The following CRPPA variants were observed in gnomAD, a reference collection of about 807,000 sequenced individuals.
The protein encoded by CRPPA is D-ribitol-5-phosphate cytidylyltransferase.
A neutral mutation model predicts 52.0 loss-of-function variants in CRPPA; 43 were observed. The observed-to-expected ratio is 0.83, with a 90% confidence interval of 0.65 to 1.07. The LOEUF (loss-of-function observed/expected upper bound fraction) is 1.07. Among genes scored for constraint, CRPPA ranks in the 50% least tolerant of loss-of-function variants. The probability of loss-of-function intolerance (pLI) is 0.00; values close to 1 mark genes in which losing one functional copy is unlikely to be tolerated. For missense variants in CRPPA, 629 were observed against 551.7 expected (o/e 1.14, Z -1.40); for synonymous variants, 250 against 203.5 (o/e 1.23, Z -1.94).
chr7:16,205,836 T>C (rs1583427849), intron 9 of CRPPA, among the ~76,000 whole-genome samples: 1 of 152,052 alleles, frequency 6.6e-6, no homozygotes, highest in African/African-American at 2.4e-5. Context: ...CAAAATCCTT[T>C]AATATCATCA....
intron 8 of CRPPA, among the ~76,000 whole-genome samples, chr7:16,242,812 A>G (rs572578920): frequency 1.4e-4 from 22 of 152,312 alleles, no homozygotes; most frequent in African/African-American, 5.3e-4. Flanking sequence ...TTCTCTTAGT[A>G]TAAGATGTGG....
chr7:16,258,882 A>G (rs916555400), intron 7 of CRPPA, 38 bp downstream of exon 7: 2 of 1,316,232 alleles, frequency 1.5e-6, no homozygotes, highest in Non-Finnish European at 2.2e-6. Context: ...ACATTTGTTC[A>G]TATCCTTAAG....
chr7:16,380,136 C>T (rs201098927), intron 2 of CRPPA, among the ~76,000 whole-genome samples: 7 of 150,892 alleles, frequency 4.6e-5, no homozygotes, highest in African/African-American at 1.5e-4. Flanking sequence ...TTGTCAAAGA[C>T]AGCTCTTATT....
chr7:16,387,994 G>T (rs57751249), intron 2 of CRPPA, among the ~76,000 whole-genome samples: 11,038 of 152,154 alleles, frequency 0.073, 483 homozygotes, highest in Admixed American at 0.12. Context: ...TTCTTTCTTT[G>T]TTGGGGGAGG....
Position 16,124,109 on chromosome 7 carries a change from T to TTC in CRPPA, c.1252-32311_1252-32310insGA, listed in dbSNP as rs1487638062. Among the ~76,000 whole-genome samples the TTC allele has an allele frequency of 5.4e-5, 8 of 149,028 alleles. No individual in the cohort carries two copies. In the East Asian group the frequency reaches 7.8e-4, roughly 15 times the overall value. On this transcript the variant is annotated intron_variant, in intron 9 of 9. Coordinates refer to ENST00000407010, the MANE Select transcript of CRPPA (RefSeq NM_001101426.4). ...GATCATATAGGCTCAATTTCTTTCT[T>TTC]TTTTTATTTTTTTTTTGAGGAACCT...
chr7:16,163,335 C>A (rs1375720569), intron 9 of CRPPA, among the ~76,000 whole-genome samples: 3 of 151,702 alleles, frequency 2.0e-5, no homozygotes, highest in Non-Finnish European at 1.5e-5. Context: ...AGGATTGCAA[C>A]CCCTGCTTTT....
chr7:16,311,402 T>C (rs1785031872), intron 3 of CRPPA, among the ~76,000 whole-genome samples: 2 of 152,152 alleles, frequency 1.3e-5, no homozygotes, highest in Non-Finnish European at 1.5e-5. Context: ...TAATTTGTCT[T>C]TTCCAGAAAT....
chr7:16,144,807 C>T (rs897041695), intron 9 of CRPPA, among the ~76,000 whole-genome samples: 5 of 152,172 alleles, frequency 3.3e-5, no homozygotes, highest in Non-Finnish European at 5.9e-5. Context: ...TGGACTCTCC[C>T]GTCAACAGTG....
chr7:16,265,016 T>C (rs79089607), intron 6 of CRPPA, among the ~76,000 whole-genome samples: 4,829 of 152,256 alleles, frequency 0.032, 261 homozygotes, highest in African/African-American at 0.11. Flanking sequence ...GCTAAGCTAA[T>C]ATGTGAAGGG....
chr7:16,291,024 A>G (rs999855889), intron 5 of CRPPA, among the ~76,000 whole-genome samples: 1 of 152,072 alleles, frequency 6.6e-6, no homozygotes, highest in African/African-American at 2.4e-5. Context: ...GTATATTAAA[A>G]CAAATGTTCA....
chr7:16,347,393 T>C (rs935205749), intron 3 of CRPPA, among the ~76,000 whole-genome samples: 8 of 152,136 alleles, frequency 5.3e-5, no homozygotes, highest in Non-Finnish European at 1.0e-4. Flanking sequence ...GAATAAAAAA[T>C]AAACCAAGGA....
At chr7:16,186,676 G>A (rs1781510299) in intron 9 of CRPPA, among the ~76,000 whole-genome samples, 1 of 152,120 alleles carries the variant, frequency 6.6e-6, no homozygotes, top group Admixed American at 6.5e-5. Context: ...TCAAAAAGAA[G>A]TCTTAGCCTC....
At chr7:16,397,720 C>A (rs1178353072) in intron 2 of CRPPA, among the ~76,000 whole-genome samples, 1 of 152,130 alleles carries the variant, frequency 6.6e-6, no homozygotes, top group South Asian at 2.1e-4. Context: ...ATGCGACCAA[C>A]GTTTGAGACA....
At chr7:16,152,663 A>G (rs1783100335) in intron 9 of CRPPA, among the ~76,000 whole-genome samples, 1 of 152,030 alleles carries the variant, frequency 6.6e-6, no homozygotes, top group Non-Finnish European at 1.5e-5. Context: ...TAAAGCAATT[A>G]TATACTGATT....
intron 9 of CRPPA, among the ~76,000 whole-genome samples, chr7:16,144,218 G>A (rs552937493): frequency 5.2e-4 from 79 of 152,186 alleles, no homozygotes; most frequent in Non-Finnish European, 9.8e-4. Flanking sequence ...CCTGCCAAGA[G>A]CCCCTTTCAC....
chr7:16,200,963 A>G lies in CRPPA; in HGVS notation c.1251+15103T>C, dbSNP rs147282708. Among the ~76,000 whole-genome samples, 286 of 152,322 alleles carry G rather than the reference A, an allele frequency of 1.9e-3. 2 individuals are homozygous for G. Among genetic ancestry groups the G allele is most frequent in the African/African-American group, 6.6e-3 (275 of 41,580 alleles). On this transcript the variant is annotated intron_variant, in intron 9 of 9. Coordinates refer to ENST00000407010, the MANE Select transcript of CRPPA (RefSeq NM_001101426.4). ...TTCTTGTTCATTTATGTTATTTTTT[A>G]TAGAAGCATTTTTCCTTAATATTTT...
In CRPPA at chr7:16,362,438, A is replaced by G. The variant is rs1385792960; in HGVS notation, c.684+13654T>C. On this transcript the variant is annotated intron_variant, in intron 3 of 9. Transcript: ENST00000407010. ...CTCTGATGCCTGGGACATTAATCTC[A>G]TTGAAGACAGAACCCTTGTGGCTTA... 2.0e-5 allele frequency among the ~76,000 whole-genome samples: 3 copies of G among 152,068 alleles called. No individual in the cohort carries two copies. In the East Asian group the frequency reaches 5.8e-4, roughly 29 times the overall value.
intron 5 of CRPPA, among the ~76,000 whole-genome samples, chr7:16,283,285 G>A (rs1784356031): frequency 1.4e-5 from 2 of 139,894 alleles, no homozygotes; most frequent in Admixed American, 7.3e-5. Context: ...TATCTATAGA[G>A]ATCTACCTAT....
chr7:16,138,856 C>T (rs1203100498), intron 9 of CRPPA, among the ~76,000 whole-genome samples: 1 of 152,152 alleles, frequency 6.6e-6, no homozygotes, highest in Non-Finnish European at 1.5e-5. Flanking sequence ...GGCAAGAGTG[C>T]AATGGCACGA....
Sources: allele counts gnomAD v4.1 joint callset (sites outside exome capture counted in the v4.1 genomes callset), GRCh38; gene constraint gnomAD v4.1.1; transcripts MANE v1.5; gene names NCBI Gene and HGNC (gene_info 2026-07-23, HGNC 2026-07-21).